The following OGA variants were observed in gnomAD, a reference collection of about 807,000 sequenced individuals.
The protein encoded by OGA is O-GlcNAcase.
OGA carries 21 observed loss-of-function variants against 102.0 expected under a neutral mutation model. The observed-to-expected ratio is 0.21, with a 90% CI of 0.15 to 0.30. The LOEUF is 0.30. Among genes scored for constraint, OGA ranks in the 10% least tolerant of loss-of-function variants. The pLI is 1.00. For synonymous variants in OGA, 408 were observed against 378.2 expected, an observed-to-expected ratio of 1.08 and a Z score of -0.91; for missense variants, 765 against 1,107.8, an observed-to-expected ratio of 0.69 and a Z score of 4.39.
intron 14 of OGA, chr10:101,788,035 G>T (rs557185834): frequency 6.5e-6 from 1 of 153,026 alleles, no homozygotes; most frequent in African/African-American, 2.4e-5. Context: ...GGAGGCTGAG[G>T]CAAGAGAATG....
intron 4 of OGA, 151 bp from the exon 5 acceptor site, chr10:101,808,052 G>GT (rs1281218562): frequency 2.4e-5 from 18 of 738,152 alleles, no homozygotes; most frequent in Admixed American, 1.2e-4. Context: ...TTAAAAAATC[G>GT]TAAGTTAAAC....
chr10:101,807,897 G>T lies in OGA; in HGVS notation c.485C>A (p.Ser162Tyr). 7.0e-7 allele frequency: 1 copy of T among 1,434,316 alleles called. No homozygotes were observed. 88.8% of individuals were successfully genotyped at this position (1,434,316 alleles called of 1,614,324 possible). The part of the protein sequence containing the change: ...STLKRKLDQV[S>Y]QFGCRSFALL... ...AGCAAATGATCTGCACCCAAACTGA[G>T]AAACCTAGGAGAAAAAAAAAAAAAA... The change falls in exon 5 of 16, where the codon TCT (serine) becomes TAT (tyrosine). Residue 162 changes from serine to tyrosine, a missense_variant. Physicochemically the swap from Ser to Tyr is moderately radical, Grantham distance 144 (BLOSUM62 -2). Coordinates refer to ENST00000361464, the MANE Select transcript of OGA (RefSeq NM_012215.5).
At position 101,785,356 on chromosome 10, in the gene OGA, A is replaced by T. The variant is rs2065181735; in HGVS notation, c.*1095T>A. On this transcript the variant is annotated 3_prime_UTR_variant, in exon 16 of 16. Transcript: ENST00000361464. Reference sequence around the variant, plus strand: ...AGATACAAACATGCAAGAATTAAAGACTCTGATTTAATAAAATCAGTAGTA... The same window carrying T: ...AGATACAAACATGCAAGAATTAAAGTCTCTGATTTAATAAAATCAGTAGTA... 6.6e-6 allele frequency: 1 copy of T among 152,470 alleles called. No individual in the cohort carries two copies. The highest frequency in any genetic ancestry group is 1.5e-5 in the Non-Finnish European group (1 of 68,040). 9.4% of individuals were successfully genotyped at this position (152,470 alleles called of 1,614,324 possible). A position where few individuals can be genotyped will look rare whatever the true frequency, so the allele number is the denominator to read the frequency against.
At position 101,807,720 on chromosome 10, in the gene OGA, T is replaced by C. The variant is rs568553675; in HGVS notation, c.652+10A>G. On this transcript the variant is annotated intron_variant, in intron 5 of 15. Transcript: ENST00000361464. ...AGACTAGTTAAATGTAAAGCCATTA[T>C]ATACAATACCTGTGGGACAGAAGAG... 19 of 1,563,360 alleles carry C rather than the reference T, an allele frequency of 1.2e-5. No individual in the cohort carries two copies. In the Admixed American group the frequency reaches 1.4e-4, roughly 11 times the overall value.
chr10:101,808,924 C>T (rs61874104), intron 4 of OGA, among the ~76,000 whole-genome samples: 7,466 of 151,662 alleles, frequency 0.049, 202 homozygotes, highest in Middle Eastern at 0.095. Context: ...GAGCTGAGAT[C>T]GCGCCACTGC....
chr10:101,797,948 TGAG>T (rs748362338), intron 10 of OGA, 29 bp downstream of exon 10: 87 of 1,591,686 alleles, frequency 5.5e-5, no homozygotes, highest in East Asian at 8.9e-5. Flanking sequence ...ACAATATATT[TGAG>T]GAGAAGAGAT....
intron 4 of OGA, among the ~76,000 whole-genome samples, chr10:101,809,705 C>CA (rs373690932): frequency 0.12 from 7,126 of 58,714 alleles, 272 homozygotes; most frequent in Non-Finnish European, 0.14. Context: ...GACTCTGTCT[C>CA]AAAAAAAAAA....
chr10:101,810,934 G>T (rs1000234527), intron 3 of OGA, among the ~76,000 whole-genome samples: 1 of 151,400 alleles, frequency 6.6e-6, no homozygotes, highest in Non-Finnish European at 1.5e-5. Flanking sequence ...CAAGTGATCC[G>T]CCTGCCTTAG....
intron 1 of OGA, 50 bp from the exon 2 acceptor site, chr10:101,813,656 G>T: frequency 8.4e-7 from 1 of 1,189,490 alleles, no homozygotes; most frequent in Non-Finnish European, 1.2e-6. Context: ...AATGTGGTAA[G>T]CTTTATTGAG....
At position 101,817,726 on chromosome 10, in the gene OGA, T is replaced by G; in HGVS notation, c.199+98A>C. 6 of 1,364,876 alleles carry G rather than the reference T, an allele frequency of 4.4e-6. No individual in the cohort carries two copies. In the South Asian group the frequency reaches 6.8e-5, roughly 15 times the overall value. The allele number at this position is 1,364,876 out of a possible 1,614,324, so 84.5% of individuals were successfully genotyped here. ...AGGGCCACATTTCAGACCCAGAGGC[T>G]TTCCGGCCTTTTAGAGTCTCCAAAA... On this transcript the variant is annotated intron_variant, in intron 1 of 15. Transcript: ENST00000361464.
chr10:101,790,739 A>G (rs887399543), intron 14 of OGA, among the ~76,000 whole-genome samples, 157 bp downstream of exon 14: 3 of 152,272 alleles, frequency 2.0e-5, no homozygotes, highest in Non-Finnish European at 4.4e-5. Context: ...AGAATAAGCC[A>G]TAAGAATTCT....
In OGA at chr10:101,799,081, T is replaced by C. The variant is rs1156481642; in HGVS notation, c.1570A>G (p.Ile524Val). The C allele has an allele frequency of 2.5e-6, 4 of 1,614,242 alleles. No homozygotes were observed. The highest frequency in any genetic ancestry group is 2.5e-6 in the Non-Finnish European group (3 of 1,180,042). Residue 524 changes from isoleucine (I) to valine (V), a missense_variant, in exon 9 of 16, where the codon ATT becomes GTT. Ile to Val is a conservative substitution (Grantham distance 29). Around this residue, in one of 7 missense-constraint regions of OGA, gnomAD observed 281 missense variants for 345.8 expected, o/e 0.81. Coordinates refer to ENST00000361464, the MANE Select transcript of OGA (RefSeq NM_012215.5). ...MSMQEDCISD[I>V]APMQTDEQTN... ...TGTTCATCAGTTTGCATGGGGGCAA[T>C]GTCACTAATACAATCTTCTTGCATG...
chr10:101,791,413 T>C lies in OGA; in HGVS notation c.2202A>G (p.Glu734=). ...DEASVYKICR[E]MYDDGVGLPF... ...GTAAACCCACTCCATCGTCATACAT[T>C]TCTCTGCAAATCTTGTACACGGATG... is the stretch of plus-strand genomic sequence containing the variant. The change falls in exon 13 of 16, where the codon GAA becomes GAG. Residue 734 remains glutamate (E), a synonymous_variant. Coordinates refer to ENST00000361464, the MANE Select transcript of OGA (RefSeq NM_012215.5). The C allele has an allele frequency of 6.2e-7, 1 of 1,614,088 alleles. No individual in the cohort carries two copies. The highest frequency in any genetic ancestry group is 8.5e-7 in the Non-Finnish European group (1 of 1,179,988).
At chr10:101,794,453 G>A (rs573749831) in intron 10 of OGA, among the ~76,000 whole-genome samples, 1 of 152,300 alleles carries the variant, frequency 6.6e-6, no homozygotes, top group South Asian at 2.1e-4. Context: ...AGGGAAAAGG[G>A]CGGGGGAGAA....
intron 6 of OGA, among the ~76,000 whole-genome samples, chr10:101,804,590 A>G (rs2065442105): frequency 6.6e-6 from 1 of 151,912 alleles, no homozygotes; most frequent in African/African-American, 2.4e-5. Flanking sequence ...TGTACATTTT[A>G]TAACAACGTT....
At chr10:101,816,988 T>C (rs2065636582) in intron 1 of OGA, among the ~76,000 whole-genome samples, 1 of 152,192 alleles carries the variant, frequency 6.6e-6, no homozygotes, top group Non-Finnish European at 1.5e-5. Flanking sequence ...AAAATTCAAA[T>C]ACATGCTGTA....
In OGA at chr10:101,806,055, C is replaced by G; in HGVS notation, c.741G>C (p.Val247=). 6.3e-7 allele frequency: 1 copy of G among 1,599,342 alleles called. No individual in the cohort carries two copies. Among genetic ancestry groups the G allele is most frequent in the Non-Finnish European group, 8.6e-7 (1 of 1,166,482 alleles). The change falls in exon 6 of 16, where the codon GTG becomes GTC. Residue 247 remains valine (V), a synonymous_variant. Transcript: ENST00000361464. The part of the protein sequence containing the change: ...VGEKLLPGIE[V]LWTGPKVVSK... ...TCTTAAAAGACTTACCTGTCCAAAG[C>G]ACTTCAATTCCAGGTAGAAGCTTTT...
chr10:101,787,225 A>G (rs557244712), intron 15 of OGA, 139 bp downstream of exon 15: 177 of 944,160 alleles, frequency 1.9e-4, no homozygotes, highest in Non-Finnish European at 2.5e-4. Context: ...TTCACCACTA[A>G]TTAATTCAGA....
rs1277240795 is a variant in OGA at position 101,791,382 on chromosome 10, G to C, written c.2233C>G (p.Gln745Glu). 3 of 1,613,794 alleles carry C rather than the reference G, an allele frequency of 1.9e-6. No individual in the cohort carries two copies. Among genetic ancestry groups the C allele is most frequent in the South Asian group, 2.2e-5 (2 of 91,074 alleles). Reference sequence around the variant, plus strand: ...TCTCCAATAAGATCAGGCTGACTTTGAAAGGGTAAACCCACTCCATCGTCA... The same window carrying C: ...TCTCCAATAAGATCAGGCTGACTTTCAAAGGGTAAACCCACTCCATCGTCA... ...MYDDGVGLPF[Q>E]SQPDLIGDKL... Residue 745 changes from glutamine (Q) to glutamate (E), a missense_variant, in exon 13 of 16, where the codon CAA becomes GAA. Gln to Glu is a conservative substitution (Grantham distance 29). This residue lies in a region of OGA where 146 missense variants were observed against 269.7 expected (regional missense o/e 0.54). Transcript: ENST00000361464.
Sources: allele counts gnomAD v4.1 joint callset (sites outside exome capture counted in the v4.1 genomes callset), GRCh38; gene constraint gnomAD v4.1.1; regional missense constraint gnomAD v4.1.1; transcripts MANE v1.5; gene names NCBI Gene and HGNC (gene_info 2026-07-23, HGNC 2026-07-21).